The following BHLHE22 variants were observed in gnomAD, a reference collection of about 807,000 sequenced individuals.
BHLHE22 encodes basic helix-loop-helix family member e22.
Under a neutral mutation model 17.6 loss-of-function variants are expected in BHLHE22, and 8 were observed. The observed-to-expected ratio is 0.45, with a 90% CI of 0.27 to 0.82. The LOEUF is 0.82. Ranked by LOEUF, BHLHE22 falls within the 40% of genes least tolerant of loss-of-function variation. The pLI is 0.16. For synonymous variants in BHLHE22, 353 were observed against 282.7 expected, an observed-to-expected ratio of 1.25 and a Z score of -2.49; for missense variants, 570 against 581.5, an observed-to-expected ratio of 0.98 and a Z score of 0.20.
rs1462741145 is a variant in BHLHE22, at chr8:64,580,877, G to A, written c.87G>A (p.Lys29=). ...LHKSLSASTS[K]RLEAAFRSTP... ...AGAGCCTGAGCGCCTCCACCTCCAAGCGCTTGGAAGCGGCTTTCCGCTCCA... is the reference window on the plus strand; with the variant it reads ...AGAGCCTGAGCGCCTCCACCTCCAAACGCTTGGAAGCGGCTTTCCGCTCCA... Residue 29 remains lysine, a synonymous_variant, in exon 1 of 1, where the codon AAG becomes AAA. Coordinates refer to ENST00000321870, the MANE Select transcript of BHLHE22 (RefSeq NM_152414.5). The A allele has an allele frequency of 1.3e-6, 2 of 1,519,266 alleles. No individual in the cohort carries two copies. The highest frequency in any genetic ancestry group is 8.7e-7 in the Non-Finnish European group (1 of 1,144,376). 94.1% of individuals were successfully genotyped at this position (1,519,266 alleles called of 1,614,324 possible).
chr8:64,582,081 A>G lies in BHLHE22; in HGVS notation c.*145A>G. 1.1e-6 allele frequency: 1 copy of G among 945,598 alleles called. No individual in the cohort carries two copies. Among genetic ancestry groups the G allele is most frequent in the East Asian group, 3.3e-5 (1 of 30,558 alleles). The allele number at this position is 945,598 out of a possible 1,614,324, so 58.6% of individuals were successfully genotyped here. ...GAGGCAAGAACTGAGGAGAAGTATC[A>G]GAGACAAACGGGACTTTTAGCCTTG... is the stretch of plus-strand genomic sequence containing the variant. On this transcript the variant is annotated 3_prime_UTR_variant, in exon 1 of 1. Coordinates refer to ENST00000321870, the MANE Select transcript of BHLHE22 (RefSeq NM_152414.5).
Position 64,581,036 on chromosome 8 carries a change from A to C in BHLHE22, c.246A>C (p.Gly82=). 7.6e-7 allele frequency: 1 copy of C among 1,319,500 alleles called. No homozygotes were observed. Among genetic ancestry groups the C allele is most frequent in the Non-Finnish European group, 9.6e-7 (1 of 1,045,282 alleles). 81.7% of individuals were successfully genotyped at this position (1,319,500 alleles called of 1,614,324 possible). A position where few individuals can be genotyped will look rare whatever the true frequency, so the allele number is the denominator to read the frequency against. Residue 82 remains glycine, a synonymous_variant, in exon 1 of 1, where the codon GGA becomes GGC. Transcript: ENST00000321870. The surrounding 1 kb of genome is among the most constrained non-coding windows in gnomAD (Gnocchi z 6.4). The part of the protein sequence containing the change: ...GAGLLLPPPG[G]GGGGSAGSGG... ...GGCTGCTGTTGCCGCCGCCTGGAGG[A>C]GGCGGCGGCGGCAGCGCGGGAAGTG...
rs751795136 is a variant in BHLHE22 at position 64,581,481 on chromosome 8, A to G, written c.691A>G (p.Ser231Gly). 7.1e-5 allele frequency: 111 copies of G among 1,560,284 alleles called. No individual in the cohort carries two copies. Among genetic ancestry groups the G allele is most frequent in the Non-Finnish European group, 9.0e-5 (104 of 1,158,452 alleles). ...SGSGGSSSSS[S>G]SSSKKSKEQK... ...CAGCGGCGGCAGCAGCAGCAGCAGC[A>G]GCAGCAGCAGCAAGAAATCCAAAGA... is the stretch of plus-strand genomic sequence containing the variant. The change falls in exon 1 of 1, where the codon AGC becomes GGC. Residue 231 changes from serine to glycine, a missense_variant. Transcript: ENST00000321870. The surrounding 1 kb of genome is among the most constrained non-coding windows in gnomAD (Gnocchi z 6.4).
chr8:64,580,977 G>A lies in BHLHE22; in HGVS notation c.187G>A (p.Gly63Ser), dbSNP rs776091711. The A allele has an allele frequency of 2.9e-6, 4 of 1,384,036 alleles. No homozygotes were observed. The highest frequency in any genetic ancestry group is 3.7e-6 in the Non-Finnish European group (4 of 1,075,158). 85.7% of individuals were successfully genotyped at this position (1,384,036 alleles called of 1,614,324 possible). A position where few individuals can be genotyped will look rare whatever the true frequency, so the allele number is the denominator to read the frequency against. Residue 63 changes from glycine (G) to serine (S), a missense_variant, in exon 1 of 1, where the codon GGC (glycine) becomes AGC (serine). Physicochemically the swap from Gly to Ser is moderately conservative, Grantham distance 56. Coordinates refer to ENST00000321870, the MANE Select transcript of BHLHE22 (RefSeq NM_152414.5). ...GGCGTCCTCCTCCTCGTCGCCCCTG[G>A]GCTGCTTCGAGCCGGCTGACCCCGA... The part of the protein sequence containing the change: ...RPASSSSSPL[G>S]CFEPADPEGA...
Position 64,581,999 on chromosome 8 carries a change from AC to A in BHLHE22, c.*68del. On this transcript the variant is annotated 3_prime_UTR_variant, in exon 1 of 1. Coordinates refer to ENST00000321870, the MANE Select transcript of BHLHE22 (RefSeq NM_152414.5). This position sits in a 1 kb window ranked among gnomAD's most constrained non-coding sequence, Gnocchi z 6.4. ...AGAGGAAAGCGAAAAGCTGCTCCCCACCCCCTTTATTTTGGTCCTCTCGTAG... is the reference window on the plus strand; with the variant it reads ...AGAGGAAAGCGAAAAGCTGCTCCCCACCCCTTTATTTTGGTCCTCTCGTAG... 3.2e-6 allele frequency: 5 copies of A among 1,549,756 alleles called. No individual in the cohort carries two copies. Among genetic ancestry groups the A allele is most frequent in the Non-Finnish European group, 4.4e-6 (5 of 1,147,992 alleles).
In BHLHE22 at chr8:64,580,733, C is replaced by T. The variant is rs1804875443; in HGVS notation, c.-58C>T. The stretch of plus-strand genomic sequence containing the variant: ...CTGTGGGGCCGCCTGACTCCGGGGC[C>T]GAGGCGGCGGCGGCGGCAGCGGGCG... On this transcript the variant is annotated 5_prime_UTR_variant, in exon 1 of 1. Coordinates refer to ENST00000321870, the MANE Select transcript of BHLHE22 (RefSeq NM_152414.5). 4 of 1,001,262 alleles carry T rather than the reference C, an allele frequency of 4.0e-6. No homozygotes were observed. In the South Asian group the frequency reaches 1.4e-4, roughly 34 times the overall value. The allele number at this position is 1,001,262 out of a possible 1,614,324, so 62.0% of individuals were successfully genotyped here.
Position 64,580,799 on chromosome 8 carries a change from C to T in BHLHE22, c.9C>T (p.Arg3=). 1 of 1,390,102 alleles carries T rather than the reference C, an allele frequency of 7.2e-7. No homozygotes were observed. Among genetic ancestry groups the T allele is most frequent in the Non-Finnish European group, 9.3e-7 (1 of 1,071,402 alleles). 86.1% of individuals were successfully genotyped at this position (1,390,102 alleles called of 1,614,324 possible). Residue 3 remains arginine (R), a synonymous_variant, in exon 1 of 1, where the codon CGC becomes CGT. Coordinates refer to ENST00000321870, the MANE Select transcript of BHLHE22 (RefSeq NM_152414.5). ME[R]GMHLGAAAAG... The stretch of plus-strand genomic sequence containing the variant: ...CGCGCCGGCGCGGGACCATGGAGCG[C>T]GGGATGCACCTCGGTGCAGCGGCCG...
Position 64,581,454 on chromosome 8 carries a change from GGCAGCGGCGGCAGCAGCAGCA to G in BHLHE22, c.670_690del (p.Gly224_Ser230del), listed in dbSNP as rs759173013. ...TGGCGGCGGTGGCGGTAGCGGTAGC[GGCAGCGGCGGCAGCAGCAGCA>G]GCAGCAGCAGCAGCAGCAAGAAATC... On this transcript the variant is annotated inframe_deletion, in exon 1 of 1. Transcript: ENST00000321870. This position sits in a 1 kb window ranked among gnomAD's most constrained non-coding sequence, Gnocchi z 6.4. The G allele has an allele frequency of 6.5e-7, 1 of 1,537,874 alleles. No homozygotes were observed. The highest frequency in any genetic ancestry group is 2.0e-5 in the Admixed American group (1 of 51,150).
Position 64,581,304 on chromosome 8 carries a change from G to C in BHLHE22, c.514G>C (p.Gly172Arg). ...AGTAGCCGACCCGCGGGCCTCCCCG[G>C]GAGCGGGAGGTGGTGGCGCGAAGGC... is the stretch of plus-strand genomic sequence containing the variant. The part of the protein sequence containing the change: ...AGVADPRASP[G>R]AGGGGAKAAE... Residue 172 changes from glycine (G) to arginine (R), a missense_variant, in exon 1 of 1, where the codon GGA becomes CGA. Gly to Arg is a moderately radical substitution (Grantham distance 125). Around this residue, in one of 3 missense-constraint regions of BHLHE22, gnomAD observed 427 missense variants for 376.2 expected, o/e 1.14. Coordinates refer to ENST00000321870, the MANE Select transcript of BHLHE22 (RefSeq NM_152414.5). The surrounding 1 kb of genome is among the most constrained non-coding windows in gnomAD (Gnocchi z 6.4). 1 of 1,430,104 alleles carries C rather than the reference G, an allele frequency of 7.0e-7. No homozygotes were observed. Among genetic ancestry groups the C allele is most frequent in the Non-Finnish European group, 9.1e-7 (1 of 1,104,754 alleles). 88.6% of individuals were successfully genotyped at this position (1,430,104 alleles called of 1,614,324 possible).
chr8:64,581,272 G>A lies in BHLHE22; in HGVS notation c.482G>A (p.Arg161Gln). The change falls in exon 1 of 1, where the codon CGG becomes CAG. Residue 161 changes from arginine to glutamine, a missense_variant. Arg to Gln is a conservative substitution (Grantham distance 43). Around this residue, in one of 3 missense-constraint regions of BHLHE22, gnomAD observed 427 missense variants for 376.2 expected, o/e 1.14. Coordinates refer to ENST00000321870, the MANE Select transcript of BHLHE22 (RefSeq NM_152414.5). This position sits in a 1 kb window ranked among gnomAD's most constrained non-coding sequence, Gnocchi z 6.4. ...GACGGTCGCTGCGAGCTCGTGCTGC[G>A]GGCCGGAGTAGCCGACCCGCGGGCC... ...DSDGRCELVL[R>Q]AGVADPRASP... The A allele has an allele frequency of 2.1e-6, 3 of 1,441,644 alleles. No individual in the cohort carries two copies. Among genetic ancestry groups the A allele is most frequent in the African/African-American group, 1.5e-5 (1 of 67,602 alleles). 89.3% of individuals were successfully genotyped at this position (1,441,644 alleles called of 1,614,324 possible).
chr8:64,581,466 A>AGCG lies in BHLHE22; in HGVS notation c.678_679insGGC (p.Ser226_Ser227insGly), dbSNP rs1563531145. 5.7e-6 allele frequency: 7 copies of AGCG among 1,231,924 alleles called. No homozygotes were observed. In the East Asian group the frequency reaches 7.7e-5, roughly 14 times the overall value. 76.3% of individuals were successfully genotyped at this position (1,231,924 alleles called of 1,614,324 possible). Reference sequence around the variant, plus strand: ...CGGTAGCGGTAGCGGCAGCGGCGGCAGCAGCAGCAGCAGCAGCAGCAGCAG... The same window carrying AGCG: ...CGGTAGCGGTAGCGGCAGCGGCGGCAGCGGCAGCAGCAGCAGCAGCAGCAGCAG... On this transcript the variant is annotated inframe_insertion, in exon 1 of 1. Transcript: ENST00000321870. This position sits in a 1 kb window ranked among gnomAD's most constrained non-coding sequence, Gnocchi z 6.4.
Position 64,581,219 on chromosome 8 carries a change from C to T in BHLHE22, c.429C>T (p.Gly143=). Residue 143 remains glycine (G), a synonymous_variant, in exon 1 of 1, where the codon GGC becomes GGT. Coordinates refer to ENST00000321870, the MANE Select transcript of BHLHE22 (RefSeq NM_152414.5). This position sits in a 1 kb window ranked among gnomAD's most constrained non-coding sequence, Gnocchi z 6.4. ...ASRGSVAESS[G]GEQSPDDDSD... is the part of the protein sequence containing the mutation. ...GGGGCTCGGTGGCCGAGAGCAGCGGCGGCGAGCAGAGCCCCGACGACGACA... is the reference window on the plus strand; with the variant it reads ...GGGGCTCGGTGGCCGAGAGCAGCGGTGGCGAGCAGAGCCCCGACGACGACA... 3.4e-6 allele frequency: 5 copies of T among 1,454,200 alleles called. No individual in the cohort carries two copies. The highest frequency in any genetic ancestry group is 4.5e-6 in the Non-Finnish European group (5 of 1,115,120). The allele number at this position is 1,454,200 out of a possible 1,614,324, so 90.1% of individuals were successfully genotyped here. A position where few individuals can be genotyped will look rare whatever the true frequency, so the allele number is the denominator to read the frequency against.
Position 64,581,447 on chromosome 8 carries a change from C to T in BHLHE22, c.657C>T (p.Ser219=), listed in dbSNP as rs1462687073. ...SSGSSGGGGG[S]GSGSGGSSSS... ...GTAGCAGTGGCGGCGGTGGCGGTAG[C>T]GGTAGCGGCAGCGGCGGCAGCAGCA... Residue 219 remains serine (S), a synonymous_variant, in exon 1 of 1, where the codon AGC becomes AGT. Transcript: ENST00000321870. The surrounding 1 kb of genome is among the most constrained non-coding windows in gnomAD (Gnocchi z 6.4). 3 of 1,537,778 alleles carry T rather than the reference C, an allele frequency of 2.0e-6. No individual in the cohort carries two copies. Among genetic ancestry groups the T allele is most frequent in the African/African-American group, 1.4e-5 (1 of 71,984 alleles).
In BHLHE22 at chr8:64,581,217, G is replaced by T; in HGVS notation, c.427G>T (p.Gly143Cys). The stretch of plus-strand genomic sequence containing the variant: ...CCGGGGCTCGGTGGCCGAGAGCAGC[G>T]GCGGCGAGCAGAGCCCCGACGACGA... ...ASRGSVAESS[G>C]GEQSPDDDSD... Residue 143 changes from glycine (G) to cysteine (C), a missense_variant, in exon 1 of 1, where the codon GGC (glycine) becomes TGC (cysteine). By Grantham distance (159) the Gly-to-Cys change is radical. Transcript: ENST00000321870. This position sits in a 1 kb window ranked among gnomAD's most constrained non-coding sequence, Gnocchi z 6.4. 6.9e-7 allele frequency: 1 copy of T among 1,455,232 alleles called. No homozygotes were observed. 90.1% of individuals were successfully genotyped at this position (1,455,232 alleles called of 1,614,324 possible).
In BHLHE22 at chr8:64,583,084, A is replaced by C. The variant is rs958870129; in HGVS notation, c.*1148A>C. ...TTCCAAAAGGGAAAAACATCACAGCAATAGTTGCTATACGTAAGAACATGC... is the reference window on the plus strand; with the variant it reads ...TTCCAAAAGGGAAAAACATCACAGCCATAGTTGCTATACGTAAGAACATGC... On this transcript the variant is annotated 3_prime_UTR_variant, in exon 1 of 1. Coordinates refer to ENST00000321870, the MANE Select transcript of BHLHE22 (RefSeq NM_152414.5). 5.4e-5 allele frequency: 9 copies of C among 167,136 alleles called. No individual in the cohort carries two copies. Among genetic ancestry groups the C allele is most frequent in the African/African-American group, 2.2e-4 (9 of 41,476 alleles). The allele number at this position is 167,136 out of a possible 1,614,324, so 10.4% of individuals were successfully genotyped here.
At position 64,581,795 on chromosome 8, in the gene BHLHE22, C is replaced by T. The variant is rs1804908289; in HGVS notation, c.1005C>T (p.His335=). ...AAAAAAAAAL[H]PALGAYEQAA... ...CAGCGGCAGCAGCTGCTGCCCTGCACCCGGCGCTCGGCGCCTACGAGCAGG... is the reference window on the plus strand; with the variant it reads ...CAGCGGCAGCAGCTGCTGCCCTGCATCCGGCGCTCGGCGCCTACGAGCAGG... The change falls in exon 1 of 1, where the codon CAC becomes CAT. Residue 335 remains histidine (H), a synonymous_variant. Coordinates refer to ENST00000321870, the MANE Select transcript of BHLHE22 (RefSeq NM_152414.5). The surrounding 1 kb of genome is among the most constrained non-coding windows in gnomAD (Gnocchi z 6.4). The T allele has an allele frequency of 3.1e-6, 5 of 1,590,410 alleles. No homozygotes were observed. Among genetic ancestry groups the T allele is most frequent in the Middle Eastern group, 1.7e-4 (1 of 5,822 alleles).
Position 64,581,378 on chromosome 8 carries a change from C to G in BHLHE22, c.588C>G (p.Pro196=). 6.7e-7 allele frequency: 1 copy of G among 1,501,744 alleles called. No homozygotes were observed. The highest frequency in any genetic ancestry group is 8.8e-7 in the Non-Finnish European group (1 of 1,133,086). 93.0% of individuals were successfully genotyped at this position (1,501,744 alleles called of 1,614,324 possible). A position where few individuals can be genotyped will look rare whatever the true frequency, so the allele number is the denominator to read the frequency against. The change falls in exon 1 of 1, where the codon CCC becomes CCG. Residue 196 remains proline, a synonymous_variant. Coordinates refer to ENST00000321870, the MANE Select transcript of BHLHE22 (RefSeq NM_152414.5). The surrounding 1 kb of genome is among the most constrained non-coding windows in gnomAD (Gnocchi z 6.4). ...NAHLHGGASV[P]PGGLGGGGGG... Reference sequence around the variant, plus strand: ...ACCTCCACGGCGGCGCCAGCGTCCCCCCGGGGGGCCTGGGCGGCGGCGGCG... The same window carrying G: ...ACCTCCACGGCGGCGCCAGCGTCCCGCCGGGGGGCCTGGGCGGCGGCGGCG...
At position 64,581,429 on chromosome 8, in the gene BHLHE22, T is replaced by C; in HGVS notation, c.639T>C (p.Ser213=). ...GCGGGGGTAGCAGCAGCGGTAGCAG[T>C]GGCGGCGGTGGCGGTAGCGGTAGCG... is the stretch of plus-strand genomic sequence containing the variant. ...GGGGGSSSGS[S]GGGGGSGSGS... Residue 213 remains serine (S), a synonymous_variant, in exon 1 of 1, where the codon AGT becomes AGC. Transcript: ENST00000321870. This position sits in a 1 kb window ranked among gnomAD's most constrained non-coding sequence, Gnocchi z 6.4. The C allele has an allele frequency of 1.3e-6, 2 of 1,534,332 alleles. No homozygotes were observed. Among genetic ancestry groups the C allele is most frequent in the Non-Finnish European group, 8.7e-7 (1 of 1,145,004 alleles).
rs750284418 is a variant in BHLHE22, at chr8:64,581,606, G to C, written c.816G>C (p.Ala272=). 1.2e-6 allele frequency: 2 copies of C among 1,612,832 alleles called. No homozygotes were observed. Among genetic ancestry groups the C allele is most frequent in the East Asian group, 4.5e-5 (2 of 44,836 alleles). ...AGCTGCGCGCGGTGATCCCCTACGC[G>C]CACAGCCCCTCGGTGCGAAAGCTCT... ...LDELRAVIPY[A]HSPSVRKLSK... The change falls in exon 1 of 1, where the codon GCG becomes GCC. Residue 272 remains alanine (A), a synonymous_variant. Transcript: ENST00000321870. The surrounding 1 kb of genome is among the most constrained non-coding windows in gnomAD (Gnocchi z 6.4).
Sources: gnomAD v4.1 joint callset for allele counts on GRCh38, gnomAD v4.1.1 for gene constraint, gnomAD v4.1.1 regional missense constraint, Gnocchi (gnomAD v3.1) non-coding constraint, MANE v1.5 for transcripts, NCBI Gene and HGNC (gene_info 2026-07-23, HGNC 2026-07-21) for gene names.